Variants in PRKN observed in about 807,000 individuals in gnomAD.
The protein encoded by PRKN is E3 ubiquitin-protein ligase parkin.
In PRKN, 56 loss-of-function variants were observed where a neutral mutation model predicts 59.5. The ratio of observed to expected loss-of-function variants is 0.94; its 90% confidence interval spans 0.76 to 1.18. PRKN has a LOEUF of 1.18. PRKN is among the 50% of genes most tolerant of loss of function. The pLI, the probability that PRKN is intolerant of heterozygous loss-of-function variation, is 0.00. For synonymous variants in PRKN, 250 were observed against 222.1 expected (o/e 1.13, Z -1.12); for missense variants, 657 against 596.4 (o/e 1.10, Z -1.06).
chr6:162,165,203 G>A (rs1468449928), intron 4 of PRKN, among the ~76,000 whole-genome samples: 1 of 148,770 alleles, frequency 6.7e-6, no homozygotes, highest in Non-Finnish European at 1.5e-5. Context: ...ACCTAAATGT[G>A]AATGCCAAAA....
rs145928483 is a variant in PRKN, at chr6:161,356,362, C to T, written c.1285+3726G>A. ...GGAAGGAGCCAGCCATGGGCAGTGA[C>T]GACACAGAAGCGTCCTGGGGAGAGG... On this transcript the variant is annotated intron_variant, in intron 11 of 11. Transcript: ENST00000366898. This position sits in a 1 kb window ranked among gnomAD's most constrained non-coding sequence, Gnocchi z 7.8. 1.1e-4 allele frequency among the ~76,000 whole-genome samples: 16 copies of T among 152,252 alleles called. No individual in the cohort carries two copies. In the East Asian group the frequency reaches 1.5e-3, roughly 15 times the overall value.
chr6:162,642,129 T>C (rs1452820599), intron 1 of PRKN, among the ~76,000 whole-genome samples: 2 of 152,158 alleles, frequency 1.3e-5, no homozygotes, highest in Non-Finnish European at 2.9e-5. Flanking sequence ...TTAGCAGATA[T>C]TACAACTTCT....
At chr6:162,304,705 G>T (rs1782144700) in intron 2 of PRKN, among the ~76,000 whole-genome samples, 1 of 150,820 alleles carries the variant, frequency 6.6e-6, no homozygotes, top group Admixed American at 6.6e-5. Flanking sequence ...ACAGACTTAA[G>T]GGTACCAGAT....
At chr6:162,559,482 C>T (rs1331018623) in intron 1 of PRKN, among the ~76,000 whole-genome samples, 3 of 152,040 alleles carry the variant, frequency 2.0e-5, no homozygotes, top group Non-Finnish European at 2.9e-5. Flanking sequence ...TCACCTTGTC[C>T]CTGGAATTGT....
chr6:161,427,795 G>A, intron 9 of PRKN, among the ~76,000 whole-genome samples: 1 of 152,120 alleles, frequency 6.6e-6, no homozygotes, highest in East Asian at 1.9e-4. Context: ...ACGCAATCAG[G>A]CTTTTGATGA....
In PRKN at chr6:161,676,017, T is replaced by C. The variant is rs368444803; in HGVS notation, c.872-106601A>G. On this transcript the variant is annotated intron_variant, in intron 7 of 11. Coordinates refer to ENST00000366898, the MANE Select transcript of PRKN (RefSeq NM_004562.3). ...CTTTTCCTTCCAGTTTCCTGAATTA[T>C]GTGACCTCTGAGAGGCACTCTGAGT... Among the ~76,000 whole-genome samples the C allele has an allele frequency of 4.6e-5, 7 of 152,346 alleles. No homozygotes were observed. The East Asian group carries it at 7.7e-4, about 17-fold the overall frequency.
intron 2 of PRKN, among the ~76,000 whole-genome samples, chr6:162,388,720 C>A (rs1343345475): frequency 6.6e-6 from 1 of 152,188 alleles, no homozygotes; most frequent in Non-Finnish European, 1.5e-5. Context: ...CCACCTCACC[C>A]TGGACCCCTC....
intron 9 of PRKN, among the ~76,000 whole-genome samples, chr6:161,477,278 G>A (rs972779834): frequency 6.6e-6 from 1 of 152,194 alleles, no homozygotes; most frequent in Admixed American, 6.5e-5. Context: ...AGCACTTTGG[G>A]AGGCCCAGGC....
intron 6 of PRKN, among the ~76,000 whole-genome samples, chr6:161,900,791 AT>A (rs1777880441): frequency 7.2e-6 from 1 of 138,860 alleles, no homozygotes; most frequent in Non-Finnish European, 1.5e-5. Flanking sequence ...TATATAAAAT[AT>A]AAATATATAA....
intron 9 of PRKN, among the ~76,000 whole-genome samples, chr6:161,432,047 G>T (rs570945736): frequency 2.0e-5 from 3 of 152,152 alleles, no homozygotes; most frequent in Non-Finnish European, 4.4e-5. Context: ...AAACACTGGG[G>T]TGCATTTTAA....
chr6:161,348,496 C>A lies in PRKN; in HGVS notation c.*1603G>T, dbSNP rs543363389. The A allele has an allele frequency of 2.8e-5, 6 of 214,910 alleles. No individual in the cohort carries two copies. The highest frequency in any genetic ancestry group is 1.1e-4 in the African/African-American group (5 of 44,268). The allele number at this position is 214,910 out of a possible 1,614,324, so 13.3% of individuals were successfully genotyped here. On this transcript the variant is annotated 3_prime_UTR_variant, in exon 12 of 12. Transcript: ENST00000366898. This position sits in a 1 kb window ranked among gnomAD's most constrained non-coding sequence, Gnocchi z 4.9. Reference sequence around the variant, plus strand: ...TGGCTGCTGCAGAGCCCAGTCTCTCCCCGGTGCAGGGCCTCTGAGACGACG... The same window carrying A: ...TGGCTGCTGCAGAGCCCAGTCTCTCACCGGTGCAGGGCCTCTGAGACGACG...
chr6:162,430,546 A>C (rs558265834), intron 2 of PRKN, among the ~76,000 whole-genome samples: 2 of 152,030 alleles, frequency 1.3e-5, no homozygotes, highest in Non-Finnish European at 2.9e-5. Flanking sequence ...ATTTTAAAAC[A>C]ATCAGTTGTA....
chr6:161,922,224 C>T (rs1778810695), intron 6 of PRKN, among the ~76,000 whole-genome samples: 1 of 152,196 alleles, frequency 6.6e-6, no homozygotes, highest in Non-Finnish European at 1.5e-5. Context: ...GAAGGCCTCA[C>T]TTCTCTTCCT....
chr6:162,032,694 T>A (rs1783686644), intron 5 of PRKN, among the ~76,000 whole-genome samples: 1 of 152,130 alleles, frequency 6.6e-6, no homozygotes, highest in Admixed American at 6.5e-5. Context: ...TAGCTAACGG[T>A]CACTGCTCTT....
At chr6:161,493,148 T>G (rs1272932583) in intron 9 of PRKN, among the ~76,000 whole-genome samples, 3 of 152,226 alleles carry the variant, frequency 2.0e-5, no homozygotes, top group African/African-American at 4.8e-5. Context: ...ATAAGAGGAC[T>G]TAAGATGCCA....
At chr6:161,797,245 A>ATTCT (rs954351647) in intron 6 of PRKN, among the ~76,000 whole-genome samples, 3 of 151,716 alleles carry the variant, frequency 2.0e-5, no homozygotes, top group Non-Finnish European at 4.4e-5. Context: ...TTTTCTTTTT[A>ATTCT]TTCTTTCTTT....
chr6:162,482,026 T>C (rs1020371716), intron 1 of PRKN, among the ~76,000 whole-genome samples: 5 of 152,158 alleles, frequency 3.3e-5, no homozygotes, highest in Admixed American at 3.3e-4. Context: ...TTTTCTTCTT[T>C]GGGTCTTACC....
intron 9 of PRKN, among the ~76,000 whole-genome samples, chr6:161,411,148 G>A (rs1387160782): frequency 6.6e-6 from 1 of 152,118 alleles, no homozygotes; most frequent in Admixed American, 6.5e-5. Flanking sequence ...TGAGACCCTG[G>A]AGGCTCTAGG....
intron 2 of PRKN, among the ~76,000 whole-genome samples, chr6:162,301,665 A>G (rs1280756633): frequency 6.6e-6 from 1 of 151,522 alleles, no homozygotes; most frequent in Non-Finnish European, 1.5e-5. Context: ...TGCCAGACCT[A>G]TTACATTAGG....
Sources: gnomAD v4.1 joint callset for allele counts (sites outside exome capture counted in the v4.1 genomes callset) on GRCh38, gnomAD v4.1.1 for gene constraint, Gnocchi (gnomAD v3.1) non-coding constraint, MANE v1.5 for transcripts, NCBI Gene and HGNC (gene_info 2026-07-23, HGNC 2026-07-21) for gene names.